GRAMD1C: variants seen among roughly 807,000 people sequenced by gnomAD.
The protein encoded by GRAMD1C is protein Aster-C.
A neutral mutation model predicts 97.8 loss-of-function variants in GRAMD1C; 89 were observed. That is an observed-to-expected ratio of 0.91 (90% CI 0.77 to 1.09). GRAMD1C has a LOEUF of 1.09. Ranked by LOEUF, GRAMD1C falls within the 50% of genes least tolerant of loss-of-function variation. The pLI is 0.00. For missense variants in GRAMD1C, 740 were observed against 766.4 expected (o/e 0.97, Z 0.41); for synonymous variants, 256 against 267.0 (o/e 0.96, Z 0.40).
chr3:113,939,865 CAT>C lies in GRAMD1C; in HGVS notation c.1692-17_1692-16del. On this transcript the variant is annotated intron_variant, in intron 15 of 17. Transcript: ENST00000358160. ...TTAGGTCTGGAAAAGTGTGGATTAACATATAATTTGCTCTGCCTAGTGTGTTG... is the reference window on the plus strand; with the variant it reads ...TTAGGTCTGGAAAAGTGTGGATTAACATAATTTGCTCTGCCTAGTGTGTTG... 7.9e-7 allele frequency: 1 copy of C among 1,262,060 alleles called. No individual in the cohort carries two copies. Among genetic ancestry groups the C allele is most frequent in the Non-Finnish European group, 1.2e-6 (1 of 859,730 alleles). 78.2% of individuals were successfully genotyped at this position (1,262,060 alleles called of 1,614,324 possible).
At chr3:113,869,286 C>T (rs1934702321) in intron 2 of GRAMD1C, among the ~76,000 whole-genome samples, 2 of 151,780 alleles carry the variant, frequency 1.3e-5, no homozygotes, top group African/African-American at 4.8e-5. Flanking sequence ...AGTTTTTTTT[C>T]TAGTTATATA....
intron 10 of GRAMD1C, among the ~76,000 whole-genome samples, chr3:113,923,938 T>G (rs1190386049): frequency 6.6e-6 from 1 of 152,172 alleles, no homozygotes; most frequent in East Asian, 1.9e-4. Context: ...GGTTTTTAAT[T>G]ACTGGTTCAA....
chr3:113,932,292 C>T (rs1172934038), intron 11 of GRAMD1C, among the ~76,000 whole-genome samples: 1 of 152,112 alleles, frequency 6.6e-6, no homozygotes, highest in Non-Finnish European at 1.5e-5. Context: ...TTAAACAATT[C>T]TTAAAAGATT....
intron 17 of GRAMD1C, among the ~76,000 whole-genome samples, chr3:113,944,695 T>C (rs1176667086): frequency 1.3e-5 from 2 of 152,250 alleles, no homozygotes; most frequent in Non-Finnish European, 2.9e-5. Flanking sequence ...CTGACTAGTC[T>C]GTAAGCTCCA....
At chr3:113,902,047 T>C (rs1278208696) in intron 7 of GRAMD1C, among the ~76,000 whole-genome samples, 2 of 152,216 alleles carry the variant, frequency 1.3e-5, no homozygotes, top group Non-Finnish European at 2.9e-5. Context: ...TAGTTAGTGG[T>C]GATGGTTGCC....
At chr3:113,900,165 C>T (rs928826535) in intron 6 of GRAMD1C, among the ~76,000 whole-genome samples, 1 of 151,668 alleles carries the variant, frequency 6.6e-6, no homozygotes, top group Non-Finnish European at 1.5e-5. Context: ...TCCAGACCAG[C>T]CTGGCCAACA....
At chr3:113,891,505 C>T (rs1935723403) in intron 6 of GRAMD1C, among the ~76,000 whole-genome samples, 1 of 151,596 alleles carries the variant, frequency 6.6e-6, no homozygotes, top group African/African-American at 2.4e-5. Context: ...GATAAAAAAC[C>T]CTCATAAAAT....
intron 5 of GRAMD1C, 67 bp downstream of exon 5, chr3:113,876,327 A>G (rs1411253554): frequency 1.3e-5 from 10 of 787,866 alleles, no homozygotes; most frequent in South Asian, 4.8e-5. Flanking sequence ...CTCATCATCA[A>G]TGTTGGGAAA....
intron 12 of GRAMD1C, among the ~76,000 whole-genome samples, chr3:113,934,067 G>A (rs1313592406): frequency 2.0e-5 from 3 of 152,140 alleles, no homozygotes; most frequent in Non-Finnish European, 4.4e-5. Flanking sequence ...CATGTACTTG[G>A]CCTACTCTGG....
intron 10 of GRAMD1C, among the ~76,000 whole-genome samples, chr3:113,917,567 C>A (rs986184137): frequency 6.6e-6 from 1 of 151,974 alleles, no homozygotes; most frequent in African/African-American, 2.4e-5. Context: ...AGCAATCTAA[C>A]CCCCTCAGCC....
At chr3:113,927,957 G>A (rs760609499) in intron 10 of GRAMD1C, among the ~76,000 whole-genome samples, 2 of 152,136 alleles carry the variant, frequency 1.3e-5, no homozygotes, top group Non-Finnish European at 1.5e-5. Flanking sequence ...AGTTGTCGCC[G>A]CAGAAACTCT....
intron 6 of GRAMD1C, among the ~76,000 whole-genome samples, chr3:113,895,567 G>A (rs1935904500): frequency 6.6e-6 from 1 of 152,072 alleles, no homozygotes; most frequent in Non-Finnish European, 1.5e-5. Context: ...TTCCAGTAGT[G>A]CTATCAATCT....
intron 10 of GRAMD1C, among the ~76,000 whole-genome samples, chr3:113,929,873 A>AG (rs1387207211): frequency 3.3e-5 from 5 of 152,186 alleles, no homozygotes; most frequent in African/African-American, 1.2e-4. Flanking sequence ...GGTTAGATAA[A>AG]GGCTCCTATG....
chr3:113,841,613 G>GT (rs1933323245), intron 1 of GRAMD1C, among the ~76,000 whole-genome samples: 1 of 152,082 alleles, frequency 6.6e-6, no homozygotes, highest in South Asian at 2.1e-4. Context: ...TACATAACAA[G>GT]TTTTAGTCCT....
intron 1 of GRAMD1C, among the ~76,000 whole-genome samples, chr3:113,833,610 C>T (rs4339084): frequency 0.64 from 96,794 of 151,972 alleles, 31,353 homozygotes; most frequent in South Asian, 0.71. Context: ...AACAATTCTT[C>T]GAGAATAAGG....
chr3:113,838,143 C>A (rs982767905), upstream of GRAMD1C, among the ~76,000 whole-genome samples: 2 of 152,174 alleles, frequency 1.3e-5, no homozygotes, highest in Admixed American at 6.5e-5. Context: ...AAATTTGGAA[C>A]GCTCTTGGCC....
At chr3:113,831,658 C>A (rs1477824014) in intron 1 of GRAMD1C, among the ~76,000 whole-genome samples, 1 of 152,056 alleles carries the variant, frequency 6.6e-6, no homozygotes, top group African/African-American at 2.4e-5. Flanking sequence ...TCCCAATTGA[C>A]CCACCTTCAA....
chr3:113,885,257 C>T (rs1935425410), intron 6 of GRAMD1C: 4 of 1,226,998 alleles, frequency 3.3e-6, no homozygotes, highest in African/African-American at 1.5e-5. Context: ...CGGAGCTGGG[C>T]CGTGGGGGCC....
At chr3:113,892,711 TG>T (rs1935784797) in intron 6 of GRAMD1C, among the ~76,000 whole-genome samples, 1 of 152,170 alleles carries the variant, frequency 6.6e-6, no homozygotes. Flanking sequence ...CTGGGATTTG[TG>T]GGGCCAGAGG....
Sources: allele counts gnomAD v4.1 joint callset (sites outside exome capture counted in the v4.1 genomes callset), GRCh38; gene constraint gnomAD v4.1.1; transcripts MANE v1.5; gene names NCBI Gene and HGNC (gene_info 2026-07-23, HGNC 2026-07-21).